Variants in MAK observed in about 807,000 individuals in gnomAD.
The protein encoded by MAK is male germ cell associated kinase, also known as serine/threonine-protein kinase MAK.
MAK carries 65 observed loss-of-function variants against 82.6 expected under a neutral mutation model. The ratio of observed to expected loss-of-function variants is 0.79; its 90% CI spans 0.64 to 0.97. The LOEUF (loss-of-function observed/expected upper bound fraction) is 0.97. Ranked by LOEUF, MAK falls within the 50% of genes least tolerant of loss-of-function variation. The pLI is 0.00. For synonymous variants in MAK, 250 were observed against 274.2 expected (o/e 0.91, Z 0.87); for missense variants, 703 against 780.2 (o/e 0.90, Z 1.18).
At chr6:10,799,919 G>A (rs903415110) in intron 8 of MAK, among the ~76,000 whole-genome samples, 2 of 152,154 alleles carry the variant, frequency 1.3e-5, no homozygotes, top group African/African-American at 4.8e-5. Context: ...GTGGTGGCAG[G>A]CACCTGTAGT....
In MAK at chr6:10,830,890, A is replaced by G; in HGVS notation, c.-229-13T>C. 2 of 488,000 alleles carry G rather than the reference A, an allele frequency of 4.1e-6. No individual in the cohort carries two copies. Among genetic ancestry groups the G allele is most frequent in the South Asian group, 4.4e-5 (2 of 45,500 alleles). The allele number at this position is 488,000 out of a possible 1,614,324, so 30.2% of individuals were successfully genotyped here. A position where few individuals can be genotyped will look rare whatever the true frequency, so the allele number is the denominator to read the frequency against. ...TCTTATAAACACCCTAAAGAAAGAA[A>G]ACAAGGATATCATGAATTTTCATTA... is the stretch of plus-strand genomic sequence containing the variant. On this transcript the variant is annotated splice_polypyrimidine_tract_variant and intron_variant, in intron 1 of 14. Transcript: ENST00000354489.
Position 10,796,142 on chromosome 6 carries a change from T to TC in MAK, c.998dup (p.Gln334ThrfsTer7). 1 of 1,614,140 alleles carries TC rather than the reference T, an allele frequency of 6.2e-7. No individual in the cohort carries two copies. The highest frequency in any genetic ancestry group is 1.3e-5 in the African/African-American group (1 of 75,024). ...GCTGGCTAGTTTTTGGCTGGGGTTG[T>TC]CCAACAACCTGATCGATTATATCCG... On this transcript the variant is annotated frameshift_variant, in exon 9 of 15. Coordinates refer to ENST00000354489, the MANE Select transcript of MAK (RefSeq NM_001242957.3). LOFTEE classifies it high-confidence loss of function.
intron 6 of MAK, among the ~76,000 whole-genome samples, chr6:10,804,932 T>G (rs1249646010): frequency 6.6e-6 from 1 of 152,094 alleles, no homozygotes. Flanking sequence ...GCTGGGCCAA[T>G]GTGTGGGGTT....
In MAK at chr6:10,763,328, A is replaced by G. The variant is rs185587621; in HGVS notation, c.*1124T>C. ...GAAACAAAACAATTTGAAAAGTCCA[A>G]TGAACCAGCATCAAACAAACACAGT... is the stretch of plus-strand genomic sequence containing the variant. On this transcript the variant is annotated 3_prime_UTR_variant, in exon 15 of 15. Transcript: ENST00000354489. 1.3e-5 allele frequency: 2 copies of G among 152,290 alleles called. No homozygotes were observed. The highest frequency in any genetic ancestry group is 1.3e-4 in the Admixed American group (2 of 15,292). The allele number at this position is 152,290 out of a possible 1,614,324, so 9.4% of individuals were successfully genotyped here.
intron 10 of MAK, among the ~76,000 whole-genome samples, chr6:10,785,298 C>A (rs972693799): frequency 6.6e-6 from 1 of 152,144 alleles, no homozygotes; most frequent in Non-Finnish European, 1.5e-5. Context: ...GTGCGTGAGG[C>A]GGCCATTGCT....
chr6:10,835,394 G>T (rs1280657466), intron 1 of MAK, among the ~76,000 whole-genome samples: 3 of 152,096 alleles, frequency 2.0e-5, no homozygotes, highest in Non-Finnish European at 2.9e-5. Context: ...TGAGTAGCTG[G>T]GATTACAGGC....
At chr6:10,765,440 ATTTTTTTTTTTTT>A (rs200536068) in intron 14 of MAK, among the ~76,000 whole-genome samples, 67 of 130,648 alleles carry the variant, frequency 5.1e-4, no homozygotes, top group Admixed American at 8.9e-4. Flanking sequence ...TAGAATGAAG[ATTTTTTTTTTTTT>A]TTTTTTTTTT....
intron 9 of MAK, among the ~76,000 whole-genome samples, chr6:10,792,972 T>C (rs1775211094): frequency 6.6e-6 from 1 of 152,178 alleles, no homozygotes; most frequent in South Asian, 2.1e-4. Flanking sequence ...AGGGTACTGA[T>C]CCTGAACACT....
chr6:10,820,615 G>A (rs551760095), intron 2 of MAK, among the ~76,000 whole-genome samples: 28 of 152,204 alleles, frequency 1.8e-4, no homozygotes, highest in African/African-American at 6.0e-4. Flanking sequence ...ACTATAAGAC[G>A]AAATAAAGGA....
chr6:10,813,114 ATATATATATATATATATATAAAT>A lies in MAK; in HGVS notation c.358+507_358+529del, dbSNP rs1561987162. Reference sequence around the variant, plus strand: ...TATATATATATATATATATATATATATATATATATATATATATATAAATTTTTTTTTTTTTTTTTTTTTTTTTT... The same window carrying A: ...TATATATATATATATATATATATATATTTTTTTTTTTTTTTTTTTTTTTTT... On this transcript the variant is annotated intron_variant, in intron 5 of 14. Coordinates refer to ENST00000354489, the MANE Select transcript of MAK (RefSeq NM_001242957.3). 4.6e-3 allele frequency among the ~76,000 whole-genome samples: 28 copies of A among 6,106 alleles called. 3 individuals are homozygous for A. The highest frequency in any genetic ancestry group is 0.023 in the East Asian group (2 of 86). 4.0% of individuals were successfully genotyped at this position (6,106 alleles called of 152,430 possible). A position where few individuals can be genotyped will look rare whatever the true frequency, so the allele number is the denominator to read the frequency against.
At chr6:10,783,889 C>G (rs146785735) in intron 11 of MAK, among the ~76,000 whole-genome samples, 8 of 152,076 alleles carry the variant, frequency 5.3e-5, no homozygotes, top group East Asian at 3.9e-4. Context: ...CGTGGTGGCT[C>G]GCACCTGTAG....
chr6:10,784,730 C>A, intron 10 of MAK, 158 bp from the exon 11 acceptor site: 1 of 713,328 alleles, frequency 1.4e-6, no homozygotes, highest in East Asian at 2.7e-5. Flanking sequence ...TGACAACTTC[C>A]CCTCCACCCG....
At chr6:10,766,775 G>A (rs1474274360) in intron 14 of MAK, among the ~76,000 whole-genome samples, 2 of 152,170 alleles carry the variant, frequency 1.3e-5, no homozygotes, top group African/African-American at 4.8e-5. Context: ...AATGGGTGTG[G>A]CTCTGAGGGC....
intron 11 of MAK, chr6:10,780,296 C>T (rs1773842280): frequency 2.1e-6 from 2 of 953,924 alleles, no homozygotes; most frequent in African/African-American, 1.8e-5. Flanking sequence ...AAACAGGTCT[C>T]AGAAAACCAC....
chr6:10,780,476 G>A (rs1416714240), intron 11 of MAK, among the ~76,000 whole-genome samples: 1 of 116,726 alleles, frequency 8.6e-6, no homozygotes, highest in African/African-American at 3.4e-5. Context: ...TTTTTTTTGA[G>A]ACAGAGTCTT....
chr6:10,798,744 T>C (rs1391713447), intron 8 of MAK, among the ~76,000 whole-genome samples: 2 of 151,962 alleles, frequency 1.3e-5, no homozygotes, highest in African/African-American at 4.8e-5. Context: ...AAATTCACTG[T>C]TAATGCTGGC....
chr6:10,816,013 A>C (rs181306967), intron 4 of MAK, among the ~76,000 whole-genome samples: 19 of 148,342 alleles, frequency 1.3e-4, no homozygotes, highest in Middle Eastern at 7.1e-3. Flanking sequence ...GCAGTGGTGC[A>C]ATCTTGGCTC....
intron 2 of MAK, 122 bp from the exon 3 acceptor site, chr6:10,819,062 A>T: frequency 1.4e-6 from 1 of 691,274 alleles, no homozygotes; most frequent in Non-Finnish European, 2.7e-6. Flanking sequence ...CTCTGTCCTC[A>T]TCCTTATAAG....
In MAK at chr6:10,786,294, A is replaced by G. The variant is rs555677687; in HGVS notation, c.1317-1722T>C. 2.8e-4 allele frequency among the ~76,000 whole-genome samples: 43 copies of G among 152,306 alleles called. No homozygotes were observed. In the South Asian group the frequency reaches 2.9e-3, roughly 10 times the overall value. ...AAGACAACCATTAAATAAAAGGTAT[A>G]CATGTTAGTATTTGGTACTCTGTAT... On this transcript the variant is annotated intron_variant, in intron 10 of 14. Coordinates refer to ENST00000354489, the MANE Select transcript of MAK (RefSeq NM_001242957.3).
Sources: gnomAD v4.1 joint callset for allele counts (sites outside exome capture counted in the v4.1 genomes callset) on GRCh38, gnomAD v4.1.1 for gene constraint, MANE v1.5 for transcripts, NCBI Gene and HGNC (gene_info 2026-07-23, HGNC 2026-07-21) for gene names.